Variants in MMS22L observed in about 807,000 individuals in gnomAD.
MMS22L encodes protein MMS22-like.
A neutral mutation model predicts 159.1 loss-of-function variants in MMS22L; 74 were observed. The observed-to-expected ratio is 0.47, with a 90% CI of 0.39 to 0.56. The LOEUF is 0.56. Among genes scored for constraint, MMS22L ranks in the 20% least tolerant of loss-of-function variants. MMS22L has a pLI of 0.00. For synonymous variants in MMS22L, 517 were observed against 506.9 expected (o/e 1.02, Z -0.27); for missense variants, 1,351 against 1,422.1 (o/e 0.95, Z 0.80).
rs140153407 is a variant in MMS22L, at chr6:97,194,873, T to G, written c.2040-8183A>C. Among the ~76,000 whole-genome samples the G allele has an allele frequency of 6.1e-3, 934 of 152,128 alleles. 8 individuals are homozygous for G. The highest frequency in any genetic ancestry group is 9.1e-3 in the Non-Finnish European group (619 of 68,000). ...AGGTATATAAAATCAAATCACTTAC[T>G]CTCTAATTCAACATATACAGCATAC... On this transcript the variant is annotated intron_variant, in intron 14 of 24. Coordinates refer to ENST00000683635, the MANE Select transcript of MMS22L (RefSeq NM_001350599.2).
intron 22 of MMS22L, among the ~76,000 whole-genome samples, chr6:97,159,581 AT>A: frequency 6.6e-6 from 1 of 152,142 alleles, no homozygotes; most frequent in South Asian, 2.1e-4. Context: ...CAGCAAATAC[AT>A]ATCTTAACTT....
intron 18 of MMS22L, 52 bp downstream of exon 18, chr6:97,178,391 T>G: frequency 7.3e-7 from 1 of 1,365,758 alleles, no homozygotes; most frequent in Non-Finnish European, 9.9e-7. Flanking sequence ...CAGGTTTTTC[T>G]GAAAATTAAT....
intron 21 of MMS22L, 77 bp downstream of exon 21, chr6:97,165,169 G>T: frequency 1.5e-6 from 2 of 1,326,724 alleles, no homozygotes; most frequent in South Asian, 1.2e-5. Flanking sequence ...TTGCCAATAT[G>T]TTTGAAATGC....
chr6:97,210,997 T>C (rs1230432444), intron 14 of MMS22L, among the ~76,000 whole-genome samples: 1 of 152,002 alleles, frequency 6.6e-6, no homozygotes, highest in Non-Finnish European at 1.5e-5. Context: ...TGGCATTAAA[T>C]GGCATGATAG....
intron 8 of MMS22L, chr6:97,267,355 T>C (rs1815233973): frequency 6.6e-6 from 1 of 152,072 alleles, no homozygotes; most frequent in Admixed American, 6.5e-5. Context: ...CTGTAGCACC[T>C]TTAAATCACT....
In MMS22L at chr6:97,144,880, A is replaced by G. The variant is rs1202176300; in HGVS notation, c.*1926T>C. Reference sequence around the variant, plus strand: ...TTTGTTGTTACCATTCTTAAGTACAAATTTTAGTTATTCTTAGTATCTATA... The same window carrying G: ...TTTGTTGTTACCATTCTTAAGTACAGATTTTAGTTATTCTTAGTATCTATA... On this transcript the variant is annotated 3_prime_UTR_variant, in exon 25 of 25. Transcript: ENST00000683635. 1.3e-5 allele frequency: 2 copies of G among 152,080 alleles called. No individual in the cohort carries two copies. Among genetic ancestry groups the G allele is most frequent in the Non-Finnish European group, 2.9e-5 (2 of 67,994 alleles). The allele number at this position is 152,080 out of a possible 1,614,324, so 9.4% of individuals were successfully genotyped here.
intron 6 of MMS22L, chr6:97,270,214 C>T: frequency 1.6e-6 from 1 of 608,914 alleles, no homozygotes; most frequent in South Asian, 1.7e-5. Context: ...TAAGACAAAC[C>T]CACCTTGGGG....
intron 14 of MMS22L, among the ~76,000 whole-genome samples, chr6:97,215,129 T>C (rs1397041949): frequency 2.7e-5 from 4 of 149,056 alleles, no homozygotes; most frequent in Non-Finnish European, 4.4e-5. Context: ...TTTTTTGCAT[T>C]GTTTCACTAG....
intron 19 of MMS22L, among the ~76,000 whole-genome samples, chr6:97,169,394 A>C (rs897946555): frequency 6.6e-6 from 1 of 152,150 alleles, no homozygotes; most frequent in African/African-American, 2.4e-5. Context: ...TTATCCAAAA[A>C]GCACAGTGGT....
rs1367145309 is a variant in MMS22L, at chr6:97,142,321, G to C, written c.*4485C>G. The C allele has an allele frequency of 1.3e-5, 2 of 152,326 alleles. No homozygotes were observed. Among genetic ancestry groups the C allele is most frequent in the Non-Finnish European group, 2.9e-5 (2 of 67,872 alleles). 9.4% of individuals were successfully genotyped at this position (152,326 alleles called of 1,614,324 possible). A position where few individuals can be genotyped will look rare whatever the true frequency, so the allele number is the denominator to read the frequency against. ...ATTGGCACATCAAAAATTTTAATAA[G>C]TATAAACTGGTCAATTCCAACCATT... On this transcript the variant is annotated 3_prime_UTR_variant, in exon 25 of 25. Transcript: ENST00000683635.
chr6:97,160,716 TG>T (rs1344012269), intron 22 of MMS22L, among the ~76,000 whole-genome samples: 2 of 152,062 alleles, frequency 1.3e-5, no homozygotes, highest in East Asian at 3.8e-4. Flanking sequence ...TCTCTTCTTC[TG>T]GTTCACCTGT....
intron 14 of MMS22L, among the ~76,000 whole-genome samples, chr6:97,193,731 T>C (rs1010550589): frequency 4.6e-5 from 7 of 152,212 alleles, no homozygotes; most frequent in Non-Finnish European, 1.0e-4. Flanking sequence ...GCAGTTGGTC[T>C]GACAGTCTAC....
At chr6:97,273,109 T>C (rs1027302998) in intron 4 of MMS22L, 47 bp from the exon 5 acceptor site, 25 of 1,473,466 alleles carry the variant, frequency 1.7e-5, no homozygotes, top group Admixed American at 2.1e-5. Context: ...ATAATTATCA[T>C]GGGCAGTGAC....
At chr6:97,194,326 G>A (rs1015847304) in intron 14 of MMS22L, among the ~76,000 whole-genome samples, 1 of 152,136 alleles carries the variant, frequency 6.6e-6, no homozygotes, top group African/African-American at 2.4e-5. Flanking sequence ...AAAGTGCTGG[G>A]ATTCTAGGCG....
In MMS22L at chr6:97,273,009, G is replaced by A. The variant is rs1020846111; in HGVS notation, c.394C>T (p.Leu132=). Residue 132 remains leucine, a synonymous_variant, in exon 5 of 25, where the codon CTA becomes TTA. Transcript: ENST00000683635. Reference sequence around the variant, plus strand: ...AAAACTTTAACATAATGGAGAAATAGTACACACTGCTGCCTAATATTGTCT... The same window carrying A: ...AAAACTTTAACATAATGGAGAAATAATACACACTGCTGCCTAATATTGTCT... The part of the protein sequence containing the change: ...KADNIRQQCV[L]FLHYVKVFIF... 2.5e-6 allele frequency: 4 copies of A among 1,612,976 alleles called. No individual in the cohort carries two copies. Among genetic ancestry groups the A allele is most frequent in the African/African-American group, 1.3e-5 (1 of 74,882 alleles).
In MMS22L at chr6:97,263,688, C is replaced by T. The variant is rs117471762; in HGVS notation, c.829-240G>A. ...AAAAAAAAATTTTAATCATCTAGTG[C>T]CGTGGTCAGCAAACTTTCTCTTTTT... On this transcript the variant is annotated intron_variant, in intron 8 of 24. Coordinates refer to ENST00000683635, the MANE Select transcript of MMS22L (RefSeq NM_001350599.2). The T allele has an allele frequency of 8.7e-3, 2,597 of 298,730 alleles. 14 individuals are homozygous for T. The highest frequency in any genetic ancestry group is 0.012 in the Non-Finnish European group (2,012 of 165,580). 18.5% of individuals were successfully genotyped at this position (298,730 alleles called of 1,614,324 possible).
intron 16 of MMS22L, 64 bp from the exon 17 acceptor site, chr6:97,179,623 A>G: frequency 2.1e-6 from 3 of 1,424,554 alleles, no homozygotes; most frequent in African/African-American, 2.9e-5. Flanking sequence ...GAGATTAAGA[A>G]GTAAAGAAAA....
At chr6:97,193,544 G>A (rs1395802336) in intron 14 of MMS22L, among the ~76,000 whole-genome samples, 2 of 152,076 alleles carry the variant, frequency 1.3e-5, no homozygotes, top group Non-Finnish European at 2.9e-5. Flanking sequence ...TAACACAGTA[G>A]TAACAAGGAT....
At chr6:97,268,084 T>C (rs1815328495) in intron 7 of MMS22L, 82 bp from the exon 8 acceptor site, 2 of 977,526 alleles carry the variant, frequency 2.0e-6, no homozygotes, top group African/African-American at 1.7e-5. Context: ...CTTTAAATTA[T>C]AACAAAACTA....
Sources: gnomAD v4.1 joint callset for allele counts (sites outside exome capture counted in the v4.1 genomes callset) on GRCh38, gnomAD v4.1.1 for gene constraint, MANE v1.5 for transcripts, NCBI Gene and HGNC (gene_info 2026-07-23, HGNC 2026-07-21) for gene names.